The following APBA1 variants were observed in gnomAD, a reference collection of about 807,000 sequenced individuals.
The protein encoded by APBA1 is amyloid beta precursor protein binding family A member 1, also known as amyloid-beta A4 precursor protein-binding family A member 1.
In APBA1, 55 loss-of-function variants were observed where a neutral mutation model predicts 86.6. The observed-to-expected ratio is 0.64, with a 90% CI of 0.51 to 0.80. APBA1 has a LOEUF of 0.80. Among genes scored for constraint, APBA1 ranks in the 30% least tolerant of loss-of-function variants. APBA1 has a pLI of 0.00. For missense variants in APBA1, 1,090 were observed against 1,183.0 expected, an observed-to-expected ratio of 0.92 and a Z score of 1.15; for synonymous variants, 511 against 493.9, an observed-to-expected ratio of 1.03 and a Z score of -0.46.
chr9:69,612,052 C>T (rs933585596), intron 1 of APBA1, among the ~76,000 whole-genome samples: 2 of 152,050 alleles, frequency 1.3e-5, no homozygotes, highest in Admixed American at 6.6e-5. Context: ...ATTTTAAGGT[C>T]ATACAACTAT....
chr9:69,594,776 G>A lies in APBA1; in HGVS notation c.-70+77377C>T, dbSNP rs1822197389. On this transcript the variant is annotated intron_variant, in intron 1 of 12. Coordinates refer to ENST00000265381, the MANE Select transcript of APBA1 (RefSeq NM_001163.4). Reference sequence around the variant, plus strand: ...ATTTGTAGTTCTTTTCTGATGAGTAGACATTACCCAAGCCAATCATACAAC... The same window carrying A: ...ATTTGTAGTTCTTTTCTGATGAGTAAACATTACCCAAGCCAATCATACAAC... Among the ~76,000 whole-genome samples, 3 of 152,112 alleles carry A rather than the reference G, an allele frequency of 2.0e-5. No homozygotes were observed. In the South Asian group the frequency reaches 6.2e-4, roughly 32 times the overall value.
At chr9:69,612,025 T>G (rs2133982773) in intron 1 of APBA1, among the ~76,000 whole-genome samples, 1 of 152,290 alleles carries the variant, frequency 6.6e-6, no homozygotes, top group Non-Finnish European at 1.5e-5. Flanking sequence ...GATGGGATTA[T>G]ATTTGTGTCT....
At chr9:69,537,400 G>C (rs1836530714) in intron 1 of APBA1, among the ~76,000 whole-genome samples, 1 of 152,022 alleles carries the variant, frequency 6.6e-6, no homozygotes, top group African/African-American at 2.4e-5. Context: ...ACCATCACAG[G>C]TGCACAGCCT....
At chr9:69,557,690 GT>G (rs1836884166) in intron 1 of APBA1, among the ~76,000 whole-genome samples, 1 of 152,206 alleles carries the variant, frequency 6.6e-6, no homozygotes, top group South Asian at 2.1e-4. Flanking sequence ...CACTTTGAAT[GT>G]TCAAACCAGA....
chr9:69,616,716 T>A (rs1156474237), intron 1 of APBA1, among the ~76,000 whole-genome samples: 1 of 152,140 alleles, frequency 6.6e-6, no homozygotes, highest in Non-Finnish European at 1.5e-5. Context: ...TGACTACTAG[T>A]CACCAATCAC....
intron 1 of APBA1, among the ~76,000 whole-genome samples, chr9:69,536,514 A>G (rs1374172642): frequency 6.6e-6 from 1 of 151,760 alleles, no homozygotes; most frequent in Non-Finnish European, 1.5e-5. Context: ...GGTAAAATAT[A>G]TATAACATAA....
chr9:69,502,409 C>T (rs1404525927), intron 2 of APBA1, among the ~76,000 whole-genome samples: 1 of 151,892 alleles, frequency 6.6e-6, no homozygotes, highest in East Asian at 1.9e-4. Context: ...TCTCCCATCT[C>T]TTTTTGTTTT....
intron 1 of APBA1, among the ~76,000 whole-genome samples, chr9:69,520,917 C>T (rs141871014): frequency 3.3e-5 from 5 of 152,286 alleles, no homozygotes; most frequent in African/African-American, 9.6e-5. Context: ...TCCCCACTGC[C>T]AGCCTGATGA....
At chr9:69,600,563 G>A (rs368968539) in intron 1 of APBA1, among the ~76,000 whole-genome samples, 131 of 152,196 alleles carry the variant, frequency 8.6e-4, no homozygotes, top group African/African-American at 3.0e-3. Flanking sequence ...AGCTTTGGGA[G>A]GGAGGTGGGT....
chr9:69,603,364 T>C (rs1002532362), intron 1 of APBA1, among the ~76,000 whole-genome samples: 2 of 152,228 alleles, frequency 1.3e-5, no homozygotes, highest in Non-Finnish European at 2.9e-5. Context: ...AAAGAATGTG[T>C]GTAAATCTTA....
intron 1 of APBA1, among the ~76,000 whole-genome samples, chr9:69,598,644 T>C (rs138571588): frequency 2.6e-5 from 4 of 151,980 alleles, no homozygotes; most frequent in East Asian, 3.9e-4. Context: ...AATGAATAAA[T>C]AGACAAGGTT....
At chr9:69,496,374 T>C (rs1031713896) in intron 2 of APBA1, among the ~76,000 whole-genome samples, 3 of 152,066 alleles carry the variant, frequency 2.0e-5, no homozygotes, top group African/African-American at 7.2e-5. Context: ...TAATGTGCTA[T>C]GATAGGACCA....
chr9:69,519,441 C>T (rs1423691100), intron 1 of APBA1, among the ~76,000 whole-genome samples: 1 of 152,210 alleles, frequency 6.6e-6, no homozygotes, highest in East Asian at 1.9e-4. Flanking sequence ...CAATTCAATA[C>T]AACACATGGA....
chr9:69,525,437 A>T (rs1836326941), intron 1 of APBA1, among the ~76,000 whole-genome samples: 1 of 152,122 alleles, frequency 6.6e-6, no homozygotes, highest in African/African-American at 2.4e-5. Flanking sequence ...TGCACCAATA[A>T]CGTTCAACCT....
intron 1 of APBA1, among the ~76,000 whole-genome samples, chr9:69,657,163 G>T (rs1446867480): frequency 6.6e-6 from 1 of 152,236 alleles, no homozygotes; most frequent in African/African-American, 2.4e-5. Context: ...AGATCTAAGA[G>T]ACCTGCCTAA....
rs576055715 is a variant in APBA1, at chr9:69,529,170, G to T, written c.-69-11891C>A. Among the ~76,000 whole-genome samples the T allele has an allele frequency of 5.9e-5, 9 of 152,200 alleles. No homozygotes were observed. The South Asian group carries it at 1.9e-3, about 32-fold the overall frequency. ...AGATCAGGAAAGCAGCAAAGACTAT[G>T]CTGGTCATAATCCTCAAACATATTT... On this transcript the variant is annotated intron_variant, in intron 1 of 12. Coordinates refer to ENST00000265381, the MANE Select transcript of APBA1 (RefSeq NM_001163.4).
intron 9 of APBA1, among the ~76,000 whole-genome samples, chr9:69,450,007 C>T (rs1038040456): frequency 1.3e-5 from 2 of 149,728 alleles, no homozygotes; most frequent in African/African-American, 5.0e-5. Context: ...GTAATTCACT[C>T]GTTTCACATA....
intron 1 of APBA1, among the ~76,000 whole-genome samples, chr9:69,566,574 A>C (rs2133943677): frequency 6.6e-6 from 1 of 152,348 alleles, no homozygotes; most frequent in South Asian, 2.1e-4. Context: ...TTCGCATCTC[A>C]GAATGAAATT....
chr9:69,572,254 C>T (rs1185923730), intron 1 of APBA1, among the ~76,000 whole-genome samples: 1 of 152,170 alleles, frequency 6.6e-6, no homozygotes, highest in Non-Finnish European at 1.5e-5. Context: ...GCCGTCCCCC[C>T]TGACAGGCCC....
Sources: gnomAD v4.1 joint callset for allele counts (sites outside exome capture counted in the v4.1 genomes callset) on GRCh38, gnomAD v4.1.1 for gene constraint, MANE v1.5 for transcripts, NCBI Gene and HGNC (gene_info 2026-07-23, HGNC 2026-07-21) for gene names.